THSD7B: variants seen among roughly 807,000 people sequenced by gnomAD.
THSD7B encodes thrombospondin type 1 domain containing 7B.
In THSD7B, 138 loss-of-function variants were observed where a neutral mutation model predicts 213.6. The ratio of observed to expected loss-of-function variants is 0.65; its 90% CI spans 0.56 to 0.74. THSD7B has a LOEUF of 0.74. THSD7B is among the 30% of genes least tolerant of loss of function. THSD7B has a pLI of 0.00. For missense variants in THSD7B, 1,931 were observed against 1,991.5 expected (o/e 0.97, Z 0.58); for synonymous variants, 742 against 687.0 (o/e 1.08, Z -1.25).
At chr2:137,346,719 G>A (rs984026985) in intron 12 of THSD7B, among the ~76,000 whole-genome samples, 3 of 151,616 alleles carry the variant, frequency 2.0e-5, no homozygotes, top group African/African-American at 7.3e-5. Context: ...TGGGTTTGCT[G>A]TAAAATTCTA....
chr2:136,954,803 A>G (rs1242070435), intron 2 of THSD7B, among the ~76,000 whole-genome samples: 1 of 151,838 alleles, frequency 6.6e-6, no homozygotes, highest in Non-Finnish European at 1.5e-5. Context: ...AGACTGTGAA[A>G]AAGTGCATTT....
chr2:137,383,469 G>A (rs1685824409), intron 12 of THSD7B, among the ~76,000 whole-genome samples: 1 of 152,140 alleles, frequency 6.6e-6, no homozygotes, highest in Non-Finnish European at 1.5e-5. Flanking sequence ...TGTCTCCCTT[G>A]GCCTTGGGGA....
intron 11 of THSD7B, among the ~76,000 whole-genome samples, chr2:137,275,668 C>A (rs1682852945): frequency 6.6e-6 from 1 of 151,652 alleles, no homozygotes; most frequent in Non-Finnish European, 1.5e-5. Flanking sequence ...TGTAAAATAT[C>A]CAAATTCAGT....
intron 2 of THSD7B, among the ~76,000 whole-genome samples, chr2:137,024,059 A>G (rs1409441609): frequency 6.6e-6 from 1 of 152,164 alleles, no homozygotes; most frequent in Non-Finnish European, 1.5e-5. Context: ...TTATCTTTGA[A>G]ATGACATCCA....
intron 15 of THSD7B, among the ~76,000 whole-genome samples, chr2:137,457,236 G>C (rs1033868409): frequency 6.6e-6 from 1 of 152,086 alleles, no homozygotes; most frequent in Non-Finnish European, 1.5e-5. Context: ...CAATTTTCCT[G>C]TATCTGTTGT....
intron 12 of THSD7B, among the ~76,000 whole-genome samples, chr2:137,329,697 C>A (rs765742748): frequency 2.0e-5 from 3 of 152,108 alleles, no homozygotes; most frequent in Non-Finnish European, 4.4e-5. Context: ...GCAAAAGATT[C>A]AAGAGAAAGC....
rs183511029 is a variant in THSD7B at position 137,375,873 on chromosome 2, C to T, written c.2501-29740C>T. Among the ~76,000 whole-genome samples the T allele has an allele frequency of 1.7e-3, 252 of 152,124 alleles. 2 individuals are homozygous for T. Among genetic ancestry groups the T allele is most frequent in the Admixed American group, 0.013 (198 of 15,272 alleles). On this transcript the variant is annotated intron_variant, in intron 12 of 27. Transcript: ENST00000409968. ...TGGCATCAGCTTTGTACATAACAGA[C>T]GATATATTAAAATAATGGTGATTAT... is the stretch of plus-strand genomic sequence containing the variant.
At chr2:137,312,719 T>C (rs1158025016) in intron 12 of THSD7B, among the ~76,000 whole-genome samples, 9 of 148,430 alleles carry the variant, frequency 6.1e-5, no homozygotes, top group Non-Finnish European at 1.5e-5. Context: ...TTTGTTCTCG[T>C]TGGTTTCAAA....
chr2:137,530,333 G>A (rs781758560), intron 15 of THSD7B, among the ~76,000 whole-genome samples: 2 of 151,774 alleles, frequency 1.3e-5, no homozygotes, highest in Non-Finnish European at 2.9e-5. Flanking sequence ...ATTTTCATGG[G>A]GTCTTGCATG....
chr2:137,524,029 C>T (rs774889469), intron 15 of THSD7B, among the ~76,000 whole-genome samples: 8 of 152,058 alleles, frequency 5.3e-5, no homozygotes, highest in Non-Finnish European at 1.0e-4. Context: ...TTTCTACCAA[C>T]TCTTTTTATA....
At chr2:137,228,146 G>T (rs1381544611) in intron 7 of THSD7B, among the ~76,000 whole-genome samples, 1 of 119,028 alleles carries the variant, frequency 8.4e-6, no homozygotes, top group Non-Finnish European at 1.8e-5. Context: ...CTGTGCAGCT[G>T]TTTTTTTTTT....
At chr2:137,361,096 A>T (rs990621028) in intron 12 of THSD7B, among the ~76,000 whole-genome samples, 4 of 152,214 alleles carry the variant, frequency 2.6e-5, no homozygotes, top group Non-Finnish European at 4.4e-5. Context: ...CAGGGTCAGG[A>T]GTGGACCTCC....
intron 12 of THSD7B, among the ~76,000 whole-genome samples, chr2:137,282,917 A>G (rs1371980270): frequency 6.6e-6 from 1 of 152,170 alleles, no homozygotes; most frequent in Non-Finnish European, 1.5e-5. Context: ...TGAACTTTAA[A>G]GTAGTTTTTT....
At chr2:137,101,782 A>T (rs1437610905) in intron 4 of THSD7B, among the ~76,000 whole-genome samples, 1 of 152,120 alleles carries the variant, frequency 6.6e-6, no homozygotes, top group African/African-American at 2.4e-5. Context: ...GGGAAGTTCA[A>T]ACTGGGTGGA....
At chr2:137,327,845 A>AGC (rs779520942) in intron 12 of THSD7B, among the ~76,000 whole-genome samples, 1 of 152,216 alleles carries the variant, frequency 6.6e-6, no homozygotes, top group Non-Finnish European at 1.5e-5. Context: ...AGCTGTCAAC[A>AGC]TCCACAGATG....
chr2:137,601,057 CA>C (rs796954175), intron 17 of THSD7B, among the ~76,000 whole-genome samples: 4 of 152,146 alleles, frequency 2.6e-5, no homozygotes, highest in African/African-American at 7.2e-5. Flanking sequence ...TTAGGCTATA[CA>C]ACGTGTTTGT....
intron 2 of THSD7B, among the ~76,000 whole-genome samples, chr2:137,007,514 A>G (rs936882539): frequency 4.0e-4 from 61 of 152,174 alleles, no homozygotes; most frequent in African/African-American, 1.4e-3. Context: ...TCAGAGAATA[A>G]ACAACTCATG....
intron 12 of THSD7B, among the ~76,000 whole-genome samples, chr2:137,325,407 T>C (rs1006466888): frequency 1.3e-4 from 20 of 152,178 alleles, no homozygotes; most frequent in African/African-American, 4.8e-4. Context: ...AACAGAATGG[T>C]ATCACACAGG....
chr2:136,915,906 G>A (rs1684340516), intron 2 of THSD7B, among the ~76,000 whole-genome samples: 1 of 152,148 alleles, frequency 6.6e-6, no homozygotes, highest in South Asian at 2.1e-4. Context: ...ATAAGTTTCA[G>A]GTCTGTAAGT....
Sources: gnomAD v4.1 joint callset for allele counts (sites outside exome capture counted in the v4.1 genomes callset) on GRCh38, gnomAD v4.1.1 for gene constraint, MANE v1.5 for transcripts, NCBI Gene and HGNC (gene_info 2026-07-23, HGNC 2026-07-21) for gene names.